IFTAP: variants seen among roughly 807,000 people sequenced by gnomAD.
IFTAP encodes intraflagellar transport associated protein.
IFTAP carries 19 observed loss-of-function variants against 19.4 expected under a neutral mutation model. The ratio of observed to expected loss-of-function variants is 0.98; its 90% CI spans 0.68 to 1.44. The LOEUF is 1.44. IFTAP is among the 40% of genes most tolerant of loss of function. The probability of loss-of-function intolerance (pLI) is 0.00; values close to 1 mark genes in which losing one functional copy is unlikely to be tolerated. For synonymous variants in IFTAP, 85 were observed against 83.5 expected, an observed-to-expected ratio of 1.02 and a Z score of -0.10; for missense variants, 240 against 253.6, an observed-to-expected ratio of 0.95 and a Z score of 0.36.
chr11:36,600,232 G>A (rs572173381), intron 1 of IFTAP, among the ~76,000 whole-genome samples: 1 of 152,324 alleles, frequency 6.6e-6, no homozygotes, highest in Admixed American at 6.5e-5. Context: ...AAAGCCATGT[G>A]GAGAATTAGA....
At chr11:36,625,908 G>A (rs376359113) in intron 2 of IFTAP, among the ~76,000 whole-genome samples, 1 of 145,266 alleles carries the variant, frequency 6.9e-6, no homozygotes, top group Non-Finnish European at 1.5e-5. Context: ...GGAACAGCGA[G>A]TGCAAAGGCC....
intron 1 of IFTAP, among the ~76,000 whole-genome samples, chr11:36,604,590 C>T (rs1851626063): frequency 6.6e-6 from 1 of 152,018 alleles, no homozygotes; most frequent in African/African-American, 2.4e-5. Context: ...AGCCTGTGGC[C>T]TTTTGAATGT....
chr11:36,639,454 A>G lies in IFTAP; in HGVS notation c.358+3337A>G, dbSNP rs560701817. On this transcript the variant is annotated intron_variant, in intron 4 of 5. Coordinates refer to ENST00000334307, the MANE Select transcript of IFTAP (RefSeq NM_138787.4). ...TGCCTTAGTCCATTTATGTTGCTGTAAAAGAATACCTGAGGCTGGGTAAAG... is the reference window on the plus strand; with the variant it reads ...TGCCTTAGTCCATTTATGTTGCTGTGAAAGAATACCTGAGGCTGGGTAAAG... Among the ~76,000 whole-genome samples, 60 of 152,228 alleles carry G rather than the reference A, an allele frequency of 3.9e-4. No homozygotes were observed. In the South Asian group the frequency reaches 0.011, roughly 29 times the overall value.
intron 2 of IFTAP, among the ~76,000 whole-genome samples, chr11:36,623,306 A>G (rs1215436873): frequency 1.3e-5 from 2 of 148,772 alleles, no homozygotes; most frequent in Non-Finnish European, 3.0e-5. Context: ...TTTTGTATAT[A>G]TTATATTTTT....
At chr11:36,635,902 C>T (rs1260460050) in intron 3 of IFTAP, 149 bp from the exon 4 acceptor site, 1 of 652,768 alleles carries the variant, frequency 1.5e-6, no homozygotes, top group East Asian at 2.8e-5. Flanking sequence ...ACAGTGAACA[C>T]AAAAGCCTTG....
intron 1 of IFTAP, among the ~76,000 whole-genome samples, chr11:36,607,509 G>A (rs1340107392): frequency 2.0e-5 from 3 of 152,062 alleles, no homozygotes; most frequent in South Asian, 4.1e-4. Flanking sequence ...GAATAGTAAC[G>A]CTGAGTAGAA....
intron 5 of IFTAP, among the ~76,000 whole-genome samples, chr11:36,657,656 C>A (rs115001407): frequency 6.6e-6 from 1 of 152,146 alleles, no homozygotes; most frequent in African/African-American, 2.4e-5. Context: ...GCTTCTCTCC[C>A]TTACTAACTG....
At chr11:36,604,773 T>TAG (rs1851633022) in intron 1 of IFTAP, among the ~76,000 whole-genome samples, 1 of 152,114 alleles carries the variant, frequency 6.6e-6, no homozygotes, top group African/African-American at 2.4e-5. Context: ...ATAGAGTCAT[T>TAG]AGTTGACAGA....
intron 1 of IFTAP, among the ~76,000 whole-genome samples, chr11:36,600,369 C>T (rs1851462133): frequency 6.6e-6 from 1 of 152,218 alleles, no homozygotes; most frequent in African/African-American, 2.4e-5. Flanking sequence ...GGCCGGCAAG[C>T]CTTACTGCCT....
At chr11:36,654,622 G>T (rs1853897970) in intron 5 of IFTAP, among the ~76,000 whole-genome samples, 1 of 151,916 alleles carries the variant, frequency 6.6e-6, no homozygotes, top group Non-Finnish European at 1.5e-5. Flanking sequence ...CTCCAAATTG[G>T]TATCTCTAGC....
intron 2 of IFTAP, among the ~76,000 whole-genome samples, chr11:36,619,883 A>G (rs1456304845): frequency 1.3e-5 from 2 of 152,016 alleles, no homozygotes; most frequent in African/African-American, 2.4e-5. Flanking sequence ...GCTTTTGCAA[A>G]TGTGAATTTA....
At position 36,644,880 on chromosome 11, in the gene IFTAP, A is replaced by G. The variant is rs377746652; in HGVS notation, c.359-3136A>G. On this transcript the variant is annotated intron_variant, in intron 4 of 5. Transcript: ENST00000334307. ...TGGGGGGAGGGGGAGGGATAGCATT[A>G]GGAGATATACCTAATGTAAATGATA... Among the ~76,000 whole-genome samples, 9 of 151,024 alleles carry G rather than the reference A, an allele frequency of 6.0e-5. No individual in the cohort carries two copies. In the East Asian group the frequency reaches 1.6e-3, roughly 27 times the overall value.
chr11:36,608,483 C>A (rs1046531380), intron 1 of IFTAP, among the ~76,000 whole-genome samples: 9 of 152,184 alleles, frequency 5.9e-5, no homozygotes, highest in Non-Finnish European at 1.2e-4. Flanking sequence ...GCAGTAATTA[C>A]ATGTCTGCTT....
chr11:36,611,014 TG>T (rs1565008475), intron 2 of IFTAP, among the ~76,000 whole-genome samples: 1 of 152,220 alleles, frequency 6.6e-6, no homozygotes, highest in African/African-American at 2.4e-5. Context: ...GTGTTTTTTT[TG>T]GGGGGATCCA....
intron 2 of IFTAP, among the ~76,000 whole-genome samples, chr11:36,617,375 A>G (rs1852133351): frequency 6.6e-6 from 1 of 151,770 alleles, no homozygotes; most frequent in African/African-American, 2.4e-5. Context: ...GACTTTTATG[A>G]AAGTATAGAT....
intron 4 of IFTAP, 35 bp downstream of exon 4, chr11:36,636,152 C>T (rs1309952551): frequency 4.0e-6 from 6 of 1,498,610 alleles, no homozygotes; most frequent in Non-Finnish European, 5.6e-6. Flanking sequence ...ACTACCTGAC[C>T]TCTTTCTAGA....
chr11:36,602,669 A>G (rs1356633138), intron 1 of IFTAP, among the ~76,000 whole-genome samples: 1 of 152,198 alleles, frequency 6.6e-6, no homozygotes, highest in African/African-American at 2.4e-5. Flanking sequence ...TATAGTTGAT[A>G]GCATTTCTGA....
At chr11:36,634,631 G>GCTT (rs1290132706) in intron 3 of IFTAP, among the ~76,000 whole-genome samples, 1 of 152,142 alleles carries the variant, frequency 6.6e-6, no homozygotes. Flanking sequence ...GATAGTGATG[G>GCTT]ATGAAGGCCA....
chr11:36,639,628 C>A (rs1226252860), intron 4 of IFTAP, among the ~76,000 whole-genome samples: 1 of 151,998 alleles, frequency 6.6e-6, no homozygotes. Flanking sequence ...GTGCCAGGCT[C>A]TTTTCAACAA....
Sources: allele counts gnomAD v4.1 joint callset (sites outside exome capture counted in the v4.1 genomes callset), GRCh38; gene constraint gnomAD v4.1.1; transcripts MANE v1.5; gene names NCBI Gene and HGNC (gene_info 2026-07-23, HGNC 2026-07-21).